The following LRP5 variants were observed in gnomAD, a reference collection of about 807,000 sequenced individuals.
LRP5 encodes LDL receptor related protein 5, also known as low-density lipoprotein receptor-related protein 5.
LRP5 carries 62 observed loss-of-function variants against 154.1 expected under a neutral mutation model. The ratio of observed to expected loss-of-function variants is 0.40; its 90% confidence interval spans 0.33 to 0.50. The LOEUF (loss-of-function observed/expected upper bound fraction) is 0.50. Ranked by LOEUF, LRP5 falls within the 20% of genes least tolerant of loss-of-function variation. The pLI, the probability that LRP5 is intolerant of heterozygous loss-of-function variation, is 0.55. For missense variants in LRP5, 1,915 were observed against 2,336.7 expected, an observed-to-expected ratio of 0.82 and a Z score of 3.72; for synonymous variants, 966 against 1,011.5, an observed-to-expected ratio of 0.96 and a Z score of 0.85.
rs1042094256 is a variant in LRP5, at chr11:68,423,228, A to C, written c.3028-261A>C. Among the ~76,000 whole-genome samples the C allele has an allele frequency of 5.9e-5, 9 of 152,186 alleles. No homozygotes were observed. Among genetic ancestry groups the C allele is most frequent in the Non-Finnish European group, 1.3e-4 (9 of 68,034 alleles). On this transcript the variant is annotated intron_variant, in intron 13 of 22. Coordinates refer to ENST00000294304, the MANE Select transcript of LRP5 (RefSeq NM_002335.4). The surrounding 1 kb of genome is among the most constrained non-coding windows in gnomAD (Gnocchi z 4.7). ...AGGCTGTTGTCCTAATCGCTCTGGC[A>C]TACTCAGGCGGGCACGTAGTTAGGA...
intron 1 of LRP5, among the ~76,000 whole-genome samples, chr11:68,332,038 TG>T (rs1281701429): frequency 1.3e-5 from 2 of 151,944 alleles, no homozygotes; most frequent in African/African-American, 4.8e-5. Context: ...ACACAGACCT[TG>T]GGGGTGCAGC....
At position 68,386,503 on chromosome 11, in the gene LRP5, C is replaced by A; in HGVS notation, c.1203C>A (p.Tyr401Ter). Residue 401 changes from tyrosine (Y) to a stop codon, truncating the protein, a stop_gained, in exon 6 of 23, where the codon TAC becomes TAA. Transcript: ENST00000294304. LOFTEE classifies it high-confidence loss of function. The surrounding 1 kb of genome is among the most constrained non-coding windows in gnomAD (Gnocchi z 7.9). ...DDEVRAIRRA[Y>*]LDGSGAQTLV... ...AGGTGCGGGCCATCCGCAGGGCGTACCTGGACGGGTCTGGGGCGCAGACGC... is the reference window on the plus strand; with the variant it reads ...AGGTGCGGGCCATCCGCAGGGCGTAACTGGACGGGTCTGGGGCGCAGACGC... 6.2e-7 allele frequency: 1 copy of A among 1,614,084 alleles called. No individual in the cohort carries two copies. The highest frequency in any genetic ancestry group is 1.7e-5 in the Admixed American group (1 of 60,030).
At chr11:68,439,662 A>C in intron 20 of LRP5, 115 bp from the exon 21 acceptor site, 5 of 1,154,430 alleles carry the variant, frequency 4.3e-6, no homozygotes, top group Non-Finnish European at 6.3e-6. Flanking sequence ...AACAGGACAC[A>C]CCGCCCTGGT....
chr11:68,418,189 G>A (rs1462604232), intron 13 of LRP5, among the ~76,000 whole-genome samples: 3 of 151,528 alleles, frequency 2.0e-5, no homozygotes, highest in African/African-American at 7.3e-5. Context: ...GGTGGATCAC[G>A]AGGTCAGGAG....
the LRP5 span, among the ~76,000 whole-genome samples, chr11:68,304,586 G>C: frequency 6.6e-6 from 1 of 152,246 alleles, no homozygotes; most frequent in Non-Finnish European, 1.5e-5. Flanking sequence ...CTTGCACCCT[G>C]CACCTGGAAA....
At chr11:68,415,206 T>C (rs561983891) in intron 12 of LRP5, among the ~76,000 whole-genome samples, 31 of 152,222 alleles carry the variant, frequency 2.0e-4, no homozygotes, top group African/African-American at 7.2e-4. Flanking sequence ...CTGGTACCAG[T>C]GCACTGAGAG....
At chr11:68,361,270 A>C (rs945908630) in intron 3 of LRP5, among the ~76,000 whole-genome samples, 6 of 150,800 alleles carry the variant, frequency 4.0e-5, no homozygotes, top group Non-Finnish European at 7.4e-5. Context: ...CCGCCACTGC[A>C]CTCCAGCCTG....
At chr11:68,340,585 G>T (rs1319318786) in intron 1 of LRP5, among the ~76,000 whole-genome samples, 2 of 152,162 alleles carry the variant, frequency 1.3e-5, no homozygotes, top group African/African-American at 4.8e-5. Flanking sequence ...GAGGTCAGAG[G>T]GGTTGAGTGA....
intron 7 of LRP5, among the ~76,000 whole-genome samples, chr11:68,400,560 A>AAAATAAATAAAT (rs34152966): frequency 3.9e-4 from 57 of 148,012 alleles, no homozygotes; most frequent in Non-Finnish European, 4.5e-4. Context: ...GTCTCTACTA[A>AAAATAAATAAAT]AAATAAATAA....
intron 1 of LRP5, among the ~76,000 whole-genome samples, chr11:68,338,686 C>T (rs1033588400): frequency 4.6e-5 from 7 of 152,126 alleles, no homozygotes; most frequent in Middle Eastern, 3.4e-3. Context: ...GCCTGAATCC[C>T]GGATTGAAGA....
rs762759902 is a variant in LRP5 at position 68,386,320 on chromosome 11, C to A, written c.1020C>A (p.Ala340=). ...CCATTGCACCTGTCTCCACAGGAGC[C>A]GAGGAGGTGCTGCTGCTGGCCCGGC... The part of the protein sequence containing the change: ...QDNGRTCKAG[A]EEVLLLARRT... Residue 340 remains alanine, a synonymous_variant, in exon 6 of 23, where the codon GCC becomes GCA. Coordinates refer to ENST00000294304, the MANE Select transcript of LRP5 (RefSeq NM_002335.4). The surrounding 1 kb of genome is among the most constrained non-coding windows in gnomAD (Gnocchi z 7.9). 3.1e-6 allele frequency: 5 copies of A among 1,611,752 alleles called. No individual in the cohort carries two copies. The highest frequency in any genetic ancestry group is 4.2e-6 in the Non-Finnish European group (5 of 1,180,002).
chr11:68,380,454 C>T (rs781261190), intron 5 of LRP5, among the ~76,000 whole-genome samples: 21 of 152,172 alleles, frequency 1.4e-4, no homozygotes, highest in Non-Finnish European at 2.5e-4. Context: ...TCTGGCCCTT[C>T]CCAGAGTGCT....
At chr11:68,389,812 T>C in intron 6 of LRP5, 69 bp from the exon 7 acceptor site, 1 of 1,567,862 alleles carries the variant, frequency 6.4e-7, no homozygotes, top group East Asian at 2.2e-5. Context: ...CAGGCCTTGC[T>C]CTTGGCACTG....
upstream of LRP5, among the ~76,000 whole-genome samples, chr11:68,308,510 C>A (rs1341980316): frequency 6.6e-6 from 1 of 152,166 alleles, no homozygotes; most frequent in Non-Finnish European, 1.5e-5. Context: ...GCCTGATGAG[C>A]TGTGACAGGC....
chr11:68,417,387 C>T lies in LRP5; in HGVS notation c.3027+860C>T, dbSNP rs557364543. On this transcript the variant is annotated intron_variant, in intron 13 of 22. Coordinates refer to ENST00000294304, the MANE Select transcript of LRP5 (RefSeq NM_002335.4). ...TCTCGTGGAGGAAATTGTGCATGAG[C>T]AAATGTGAAACCGTGCTGTGCTCAA... Among the ~76,000 whole-genome samples the T allele has an allele frequency of 8.6e-4, 118 of 137,856 alleles. 1 individual carries two copies. The highest frequency in any genetic ancestry group is 3.0e-3 in the African/African-American group (114 of 37,398). 90.4% of individuals were successfully genotyped at this position (137,856 alleles called of 152,430 possible). A position where few individuals can be genotyped will look rare whatever the true frequency, so the allele number is the denominator to read the frequency against.
chr11:68,433,845 C>T lies in LRP5; in HGVS notation c.4000+7C>T. On this transcript the variant is annotated splice_region_variant and intron_variant, in intron 18 of 22. Transcript: ENST00000294304. ...GACGAGGCGGACTGTGACGGTGAGG[C>T]CCTCCCCGTCAAGGCTCTGCCAAGA... 1 of 1,608,432 alleles carries T rather than the reference C, an allele frequency of 6.2e-7. No homozygotes were observed. Among genetic ancestry groups the T allele is most frequent in the East Asian group, 2.2e-5 (1 of 44,836 alleles).
chr11:68,419,797 C>G (rs529712406), intron 13 of LRP5, among the ~76,000 whole-genome samples: 30 of 152,124 alleles, frequency 2.0e-4, no homozygotes, highest in African/African-American at 7.0e-4. Context: ...CCGCCTCGGC[C>G]TCCCAAAATG....
intron 1 of LRP5, among the ~76,000 whole-genome samples, chr11:68,345,437 G>A (rs1328228909): frequency 2.0e-5 from 3 of 151,906 alleles, no homozygotes; most frequent in Non-Finnish European, 2.9e-5. Context: ...ACAGGTGCCC[G>A]TCACTACGCC....
At chr11:68,445,563 T>C in intron 21 of LRP5, 1 of 1,307,352 alleles carries the variant, frequency 7.6e-7, no homozygotes. Context: ...CTGTTCCCAT[T>C]ATTCCGCAGG....
Sources: allele counts gnomAD v4.1 joint callset (sites outside exome capture counted in the v4.1 genomes callset), GRCh38; gene constraint gnomAD v4.1.1; non-coding constraint Gnocchi (gnomAD v3.1); transcripts MANE v1.5; gene names NCBI Gene and HGNC (gene_info 2026-07-23, HGNC 2026-07-21).